The following MACROD2 variants were observed in gnomAD, a reference collection of about 807,000 sequenced individuals.
MACROD2 encodes mono-ADP ribosylhydrolase 2.
Under a neutral mutation model 70.4 loss-of-function variants are expected in MACROD2, and 36 were observed. The observed-to-expected ratio is 0.51, with a 90% CI of 0.39 to 0.68. The LOEUF is 0.68. MACROD2 is among the 30% of genes least tolerant of loss of function. The probability of loss-of-function intolerance (pLI) is 0.00; values close to 1 mark genes in which losing one functional copy is unlikely to be tolerated. For synonymous variants in MACROD2, 172 were observed against 178.8 expected, an observed-to-expected ratio of 0.96 and a Z score of 0.30; for missense variants, 496 against 538.4, an observed-to-expected ratio of 0.92 and a Z score of 0.78.
chr20:15,495,490 C>T (rs2146483226), intron 7 of MACROD2, among the ~76,000 whole-genome samples: 1 of 152,260 alleles, frequency 6.6e-6, no homozygotes, highest in South Asian at 2.1e-4. Context: ...CTGAATATAA[C>T]AATCTGTTGA....
At chr20:15,841,956 G>A (rs1482564308) in intron 8 of MACROD2, among the ~76,000 whole-genome samples, 1 of 152,122 alleles carries the variant, frequency 6.6e-6, no homozygotes, top group Non-Finnish European at 1.5e-5. Context: ...GTAGAAAATA[G>A]GAAGCAAAGA....
chr20:14,928,269 G>A (rs1468505426), intron 5 of MACROD2, among the ~76,000 whole-genome samples: 3 of 152,068 alleles, frequency 2.0e-5, no homozygotes, highest in Non-Finnish European at 4.4e-5. Flanking sequence ...GGTTCATATC[G>A]TTTGTCAAGT....
At chr20:15,924,052 T>C (rs1170208659) in intron 10 of MACROD2, among the ~76,000 whole-genome samples, 1 of 152,236 alleles carries the variant, frequency 6.6e-6, no homozygotes, top group African/African-American at 2.4e-5. Flanking sequence ...GAGCACATTT[T>C]TGGAAAAAGT....
chr20:14,282,736 G>A (rs983350668), intron 3 of MACROD2, among the ~76,000 whole-genome samples: 3 of 152,144 alleles, frequency 2.0e-5, no homozygotes, highest in Non-Finnish European at 4.4e-5. Context: ...AGGAGCAGGC[G>A]TATCACATGG....
intron 6 of MACROD2, among the ~76,000 whole-genome samples, chr20:15,374,175 AT>A (rs2045530199): frequency 6.6e-6 from 1 of 152,032 alleles, no homozygotes; most frequent in African/African-American, 2.4e-5. Flanking sequence ...TTCTATATAT[AT>A]ATGCACACAT....
At chr20:15,177,316 G>A (rs1272019362) in intron 5 of MACROD2, among the ~76,000 whole-genome samples, 1 of 152,230 alleles carries the variant, frequency 6.6e-6, no homozygotes, top group Non-Finnish European at 1.5e-5. Context: ...GTTCTAGAAG[G>A]TTGAATACGC....
chr20:14,858,553 G>A (rs964099137), intron 5 of MACROD2, among the ~76,000 whole-genome samples: 1 of 152,080 alleles, frequency 6.6e-6, no homozygotes, highest in Non-Finnish European at 1.5e-5. Flanking sequence ...AGTTAAGGGT[G>A]GTGTAGGAGA....
intron 6 of MACROD2, among the ~76,000 whole-genome samples, chr20:15,236,446 G>C (rs563492725): frequency 6.6e-6 from 1 of 152,328 alleles, no homozygotes; most frequent in South Asian, 2.1e-4. Context: ...AGTTAGAGGG[G>C]TGAATGAGAT....
chr20:15,352,825 A>G (rs1431070198), intron 6 of MACROD2, among the ~76,000 whole-genome samples: 2 of 152,120 alleles, frequency 1.3e-5, no homozygotes, highest in East Asian at 3.9e-4. Flanking sequence ...AAGGAGAACT[A>G]CAAACCACTG....
chr20:14,230,695 ATATATGGGCCCAGCCTATGT>A (rs2081801678), intron 3 of MACROD2, among the ~76,000 whole-genome samples: 1 of 100,970 alleles, frequency 9.9e-6, no homozygotes, highest in African/African-American at 3.8e-5. Flanking sequence ...ATATATATAT[ATATATGGGCCCAGCCTATGT>A]TATAATTTGA....
intron 5 of MACROD2, among the ~76,000 whole-genome samples, chr20:14,931,497 T>C (rs2074295498): frequency 6.6e-6 from 1 of 152,126 alleles, no homozygotes; most frequent in African/African-American, 2.4e-5. Context: ...CTTCTCAGGG[T>C]ATGCTTGAGT....
chr20:14,689,405 A>G (rs189900507), intron 5 of MACROD2, among the ~76,000 whole-genome samples: 1 of 152,160 alleles, frequency 6.6e-6, no homozygotes, highest in African/African-American at 2.4e-5. Flanking sequence ...CATATAGCTT[A>G]AAAAATGTGT....
intron 5 of MACROD2, chr20:14,757,833 C>T (rs1236756599): frequency 6.6e-7 from 1 of 1,524,828 alleles, no homozygotes; most frequent in Non-Finnish European, 9.1e-7. Context: ...ATTGTGCCTG[C>T]CACTCTATGC....
intron 4 of MACROD2, among the ~76,000 whole-genome samples, chr20:14,546,103 G>T (rs1344627236): frequency 6.6e-6 from 1 of 152,120 alleles, no homozygotes; most frequent in Non-Finnish European, 1.5e-5. Context: ...AATAAGTCCA[G>T]GGAATCAGGT....
intron 5 of MACROD2, among the ~76,000 whole-genome samples, chr20:14,987,618 T>A (rs2122858211): frequency 6.6e-6 from 1 of 152,262 alleles, no homozygotes; most frequent in Middle Eastern, 3.4e-3. Context: ...CTAAAATGAC[T>A]ATTTCTAAAG....
chr20:15,635,900 T>C (rs1242197620), intron 8 of MACROD2, among the ~76,000 whole-genome samples: 2 of 151,442 alleles, frequency 1.3e-5, no homozygotes, highest in Admixed American at 6.6e-5. Flanking sequence ...AAACCCCATC[T>C]CTTCTAAAAA....
chr20:15,118,013 G>A (rs2076003340), intron 5 of MACROD2, among the ~76,000 whole-genome samples: 1 of 151,872 alleles, frequency 6.6e-6, no homozygotes, highest in African/African-American at 2.4e-5. Context: ...TGAAAGATAT[G>A]CCAACTCAAA....
intron 4 of MACROD2, among the ~76,000 whole-genome samples, chr20:14,496,623 T>C (rs2084855958): frequency 6.6e-6 from 1 of 152,184 alleles, no homozygotes; most frequent in African/African-American, 2.4e-5. Context: ...TGCAGTTCAT[T>C]GTAGTGAGCA....
chr20:15,567,726 C>T (rs1295229727), intron 8 of MACROD2, among the ~76,000 whole-genome samples: 1 of 152,136 alleles, frequency 6.6e-6, no homozygotes. Flanking sequence ...CCTACAAGGT[C>T]CAGGTGGTAG....
Sources: allele counts gnomAD v4.1 joint callset (sites outside exome capture counted in the v4.1 genomes callset), GRCh38; gene constraint gnomAD v4.1.1; transcripts MANE v1.5; gene names NCBI Gene and HGNC (gene_info 2026-07-23, HGNC 2026-07-21).